The following LOXHD1 variants were observed in gnomAD, a reference collection of about 807,000 sequenced individuals.
LOXHD1 encodes lipoxygenase homology PLAT domains 1.
Under a neutral mutation model 248.2 loss-of-function variants are expected in LOXHD1, and 205 were observed. The ratio of observed to expected loss-of-function variants is 0.83; its 90% CI spans 0.74 to 0.93. The LOEUF is 0.93. Among genes scored for constraint, LOXHD1 ranks in the 40% least tolerant of loss-of-function variants. The probability of loss-of-function intolerance (pLI) is 0.00; values close to 1 mark genes in which losing one functional copy is unlikely to be tolerated. For synonymous variants in LOXHD1, 1,113 were observed against 1,162.8 expected (o/e 0.96, Z 0.87); for missense variants, 2,930 against 2,971.6 (o/e 0.99, Z 0.33).
At chr18:46,513,573 T>G (rs1035716306) in intron 34 of LOXHD1, among the ~76,000 whole-genome samples, 1 of 152,156 alleles carries the variant, frequency 6.6e-6, no homozygotes, top group Non-Finnish European at 1.5e-5. Flanking sequence ...AGACCTGGCC[T>G]TGAAGGCTGG....
Position 46,572,088 on chromosome 18 carries a change from T to A in LOXHD1, c.2045A>T (p.Lys682Met). 1 of 1,551,732 alleles carries A rather than the reference T, an allele frequency of 6.4e-7. No homozygotes were observed. The highest frequency in any genetic ancestry group is 8.7e-7 in the Non-Finnish European group (1 of 1,146,932). Residue 682 changes from lysine (K) to methionine (M), a missense_variant and splice_region_variant, in exon 15 of 41, where the codon AAG becomes ATG. Transcript: ENST00000642948. ...LLPSDSSATL[K>M]NFRYHISLKT... ...ACCTGGTCATCAGGACAACTCACTCTTCAGTGTCGCGCTGCTGTCACTGGG... is the reference window on the plus strand; with the variant it reads ...ACCTGGTCATCAGGACAACTCACTCATCAGTGTCGCGCTGCTGTCACTGGG...
chr18:46,601,644 A>G, intron 7 of LOXHD1, 177 bp from the exon 8 acceptor site: 1 of 784,964 alleles, frequency 1.3e-6, no homozygotes, highest in East Asian at 2.8e-5. Flanking sequence ...ACCTCATTTC[A>G]TCTTTTCCAG....
chr18:46,562,154 C>G (rs2037542745), intron 18 of LOXHD1, among the ~76,000 whole-genome samples: 1 of 152,230 alleles, frequency 6.6e-6, no homozygotes. Context: ...ACTTGGTCCT[C>G]TGCCTCCTCA....
intron 26 of LOXHD1, among the ~76,000 whole-genome samples, chr18:46,534,719 G>A (rs992464378): frequency 2.0e-5 from 3 of 152,152 alleles, no homozygotes; most frequent in Non-Finnish European, 2.9e-5. Flanking sequence ...TCAGCATGGA[G>A]CCCAGCTCCC....
intron 12 of LOXHD1, among the ~76,000 whole-genome samples, chr18:46,589,608 TG>T (rs1322175946): frequency 6.6e-6 from 1 of 152,210 alleles, no homozygotes; most frequent in African/African-American, 2.4e-5. Flanking sequence ...TCAGCATAGC[TG>T]GTGGTGGGCC....
intron 1 of LOXHD1, 46 bp from the exon 2 acceptor site, chr18:46,649,315 C>T (rs992337029): frequency 1.1e-4 from 158 of 1,498,504 alleles, no homozygotes; most frequent in Middle Eastern, 1.8e-4. Context: ...AGAAAAAAAC[C>T]GGAATCCTGT....
chr18:46,518,790 A>C, intron 33 of LOXHD1: 1 of 826,684 alleles, frequency 1.2e-6, no homozygotes, highest in Non-Finnish European at 1.5e-6. Flanking sequence ...AGCAGCAGCC[A>C]AAGCTCTGGG....
intron 31 of LOXHD1, among the ~76,000 whole-genome samples, chr18:46,522,856 T>G (rs572379591): frequency 6.6e-6 from 1 of 152,212 alleles, no homozygotes; most frequent in African/African-American, 2.4e-5. Context: ...CATAGAGTTG[T>G]AGTTTCCCAC....
chr18:46,590,690 T>C lies in LOXHD1; in HGVS notation c.1654+1243A>G, dbSNP rs328148. ...GATGATTGCCTTGTTCCCAAGGCAG[T>C]TATTACCGAATGCAAAAAGGCAGGG... is the stretch of plus-strand genomic sequence containing the variant. On this transcript the variant is annotated intron_variant, in intron 12 of 40. Transcript: ENST00000642948. 1.2e-4 allele frequency among the ~76,000 whole-genome samples: 19 copies of C among 152,200 alleles called. No individual in the cohort carries two copies. The East Asian group carries it at 1.7e-3, about 14-fold the overall frequency.
At chr18:46,596,290 A>T (rs2038255946) in intron 8 of LOXHD1, among the ~76,000 whole-genome samples, 1 of 152,216 alleles carries the variant, frequency 6.6e-6, no homozygotes. Flanking sequence ...AACCACAGGA[A>T]GTATCACTTT....
intron 1 of LOXHD1, among the ~76,000 whole-genome samples, chr18:46,653,077 T>G (rs2039132670): frequency 6.6e-6 from 1 of 152,120 alleles, no homozygotes; most frequent in South Asian, 2.1e-4. Flanking sequence ...TGAAACCCCG[T>G]CTCTACTAAA....
At chr18:46,501,565 T>C (rs1052040282) in intron 37 of LOXHD1, among the ~76,000 whole-genome samples, 9 of 152,190 alleles carry the variant, frequency 5.9e-5, no homozygotes, top group African/African-American at 2.2e-4. Flanking sequence ...TAAATGTTAA[T>C]GAACAAACAG....
At chr18:46,609,811 G>A (rs1019168025) in intron 6 of LOXHD1, among the ~76,000 whole-genome samples, 8 of 152,122 alleles carry the variant, frequency 5.3e-5, no homozygotes, top group African/African-American at 1.9e-4. Flanking sequence ...TTTACTAGAA[G>A]GGATTACAGG....
Position 46,560,143 on chromosome 18 carries a change from C to T in LOXHD1, c.3001G>A (p.Gly1001Ser), listed in dbSNP as rs2037486041. 1 of 1,551,122 alleles carries T rather than the reference C, an allele frequency of 6.4e-7. No individual in the cohort carries two copies. The highest frequency in any genetic ancestry group is 1.2e-5 in the South Asian group (1 of 84,040). ...KFEAHRWLAR[G>S]KEDNELVVEL... is the part of the protein sequence containing the mutation. The stretch of plus-strand genomic sequence containing the variant: ...ACGACAAGTTCGTTGTCCTCCTTGC[C>T]CCGGGCCAGCCAGCGGTGGGCTTCG... The change falls in exon 19 of 41, where the codon GGC becomes AGC. Residue 1001 changes from glycine to serine, a missense_variant. By Grantham distance (56) the Gly-to-Ser change is moderately conservative (BLOSUM62 0). Coordinates refer to ENST00000642948, the MANE Select transcript of LOXHD1 (RefSeq NM_001384474.1).
At chr18:46,592,720 C>T in intron 10 of LOXHD1, 136 bp from the exon 11 acceptor site, 1 of 707,968 alleles carries the variant, frequency 1.4e-6, no homozygotes. Context: ...TTCAATCAAG[C>T]CACCCTCACA....
At chr18:46,601,755 A>G (rs2038343994) in intron 7 of LOXHD1, 2 of 422,366 alleles carry the variant, frequency 4.7e-6, no homozygotes, top group Non-Finnish European at 8.9e-6. Context: ...GAGAAGGAGG[A>G]ACTCGGGTTG....
intron 6 of LOXHD1, among the ~76,000 whole-genome samples, chr18:46,605,629 C>T (rs370591416): frequency 2.0e-5 from 3 of 152,154 alleles, no homozygotes; most frequent in East Asian, 3.9e-4. Flanking sequence ...GAAAAGAAAC[C>T]ATCACATCAG....
At chr18:46,550,343 G>A (rs1316543657) in intron 21 of LOXHD1, among the ~76,000 whole-genome samples, 7 of 151,870 alleles carry the variant, frequency 4.6e-5, no homozygotes, top group Admixed American at 2.0e-4. Flanking sequence ...GGAGGCCGAG[G>A]CGGGTGGATC....
intron 8 of LOXHD1, among the ~76,000 whole-genome samples, chr18:46,595,008 C>A (rs2144250230): frequency 6.6e-6 from 1 of 152,366 alleles, no homozygotes; most frequent in East Asian, 1.9e-4. Context: ...TGGCACACTA[C>A]AGAATCCTCT....
Sources: allele counts gnomAD v4.1 joint callset (sites outside exome capture counted in the v4.1 genomes callset), GRCh38; gene constraint gnomAD v4.1.1; transcripts MANE v1.5; gene names NCBI Gene and HGNC (gene_info 2026-07-23, HGNC 2026-07-21).